Variants in CYP4X1 observed in about 807,000 individuals in gnomAD.
CYP4X1 encodes the protein cytochrome P450 4X1.
Under a neutral mutation model 57.9 loss-of-function variants are expected in CYP4X1, and 44 were observed. That is an observed-to-expected ratio of 0.76 (90% CI 0.60 to 0.98). The LOEUF (loss-of-function observed/expected upper bound fraction) is 0.98. Ranked by LOEUF, CYP4X1 falls within the 50% of genes least tolerant of loss-of-function variation. CYP4X1 has a pLI of 0.00. For missense variants in CYP4X1, 532 were observed against 623.9 expected (o/e 0.85, Z 1.57); for synonymous variants, 227 against 228.6 (o/e 0.99, Z 0.06).
intron 6 of CYP4X1, 42 bp from the exon 7 acceptor site, chr1:47,038,618 T>A: frequency 6.7e-7 from 1 of 1,496,138 alleles, no homozygotes; most frequent in Non-Finnish European, 9.1e-7. Flanking sequence ...TTTATTTGAC[T>A]TTGCCATCAC....
At chr1:47,014,073 C>T in the CYP4X1 span, among the ~76,000 whole-genome samples, 5 of 152,026 alleles carry the variant, frequency 3.3e-5, no homozygotes, top group African/African-American at 1.2e-4. Flanking sequence ...CCCCACCTGG[C>T]CCTCAATGTA....
At chr1:47,019,756 T>C (rs912704290), upstream of CYP4X1, among the ~76,000 whole-genome samples, 1 of 152,196 alleles carries the variant, frequency 6.6e-6, no homozygotes, top group African/African-American at 2.4e-5. Flanking sequence ...CATTTTTTAC[T>C]CTCTGATGTC....
Position 47,038,773 on chromosome 1 carries a change from C to T in CYP4X1, c.882+7C>T. On this transcript the variant is annotated splice_region_variant and intron_variant, in intron 7 of 11. Transcript: ENST00000371901. ...TATTGTCCTTTCTGCCAAGGTAAAT[C>T]TTCTAAATTTCTAAGCCTGCTCAAG... 1.2e-6 allele frequency: 2 copies of T among 1,605,972 alleles called. No individual in the cohort carries two copies. Among genetic ancestry groups the T allele is most frequent in the Non-Finnish European group, 1.7e-6 (2 of 1,176,292 alleles).
chr1:47,039,609 G>T, intron 8 of CYP4X1, 77 bp downstream of exon 8: 1 of 1,183,894 alleles, frequency 8.4e-7, no homozygotes, highest in Non-Finnish European at 1.2e-6. Flanking sequence ...TGGTACCTTA[G>T]TGACCCTAGT....
At chr1:47,049,633 A>G in intron 11 of CYP4X1, 129 bp downstream of exon 11, 1 of 839,652 alleles carries the variant, frequency 1.2e-6, no homozygotes, top group Non-Finnish European at 1.9e-6. Flanking sequence ...TTGAGCCCCA[A>G]AGGATCAGTT....
chr1:46,965,241 C>T, the CYP4X1 span, among the ~76,000 whole-genome samples: 5 of 152,316 alleles, frequency 3.3e-5, no homozygotes, highest in South Asian at 1.0e-3. Context: ...GCTGCACCCA[C>T]TGTGCTGCAC....
intron 9 of CYP4X1, among the ~76,000 whole-genome samples, chr1:47,048,117 T>G (rs543903940): frequency 5.3e-5 from 8 of 150,584 alleles, no homozygotes; most frequent in African/African-American, 1.9e-4. Context: ...GGCATGGTGT[T>G]GCATGCTTGT....
chr1:47,020,579 T>G (rs2148500947), upstream of CYP4X1, among the ~76,000 whole-genome samples: 1 of 152,314 alleles, frequency 6.6e-6, no homozygotes, highest in African/African-American at 2.4e-5. Context: ...TCCCAGCATG[T>G]GCCCAGCACA....
At chr1:47,024,061 G>A in intron 1 of CYP4X1, 67 bp downstream of exon 1, 2 of 1,521,160 alleles carry the variant, frequency 1.3e-6, no homozygotes, top group Admixed American at 4.0e-5. Flanking sequence ...GAGGAGCCCA[G>A]CCGGCAGAGA....
the CYP4X1 span, among the ~76,000 whole-genome samples, chr1:46,967,522 T>C: frequency 6.6e-6 from 1 of 150,582 alleles, no homozygotes; most frequent in Admixed American, 6.6e-5. Flanking sequence ...TAGGGAAAGG[T>C]GAGAGAAAGA....
chr1:47,024,572 T>G (rs1218197435), intron 1 of CYP4X1, among the ~76,000 whole-genome samples: 1 of 152,212 alleles, frequency 6.6e-6, no homozygotes, highest in Non-Finnish European at 1.5e-5. Context: ...ATTAAGGTTT[T>G]TATTCATTCA....
the CYP4X1 span, among the ~76,000 whole-genome samples, chr1:46,982,198 C>T: frequency 3.3e-5 from 5 of 152,118 alleles, no homozygotes; most frequent in African/African-American, 1.2e-4. Context: ...GCTCTATTAG[C>T]TCAGTTTGGT....
chr1:46,967,817 G>A, the CYP4X1 span: 1 of 1,338,472 alleles, frequency 7.5e-7, no homozygotes, highest in Non-Finnish European at 9.8e-7. Context: ...AGCAGGGTCA[G>A]GGCCATGGCC....
the CYP4X1 span, among the ~76,000 whole-genome samples, chr1:46,997,553 T>A: frequency 3.9e-5 from 6 of 152,370 alleles, no homozygotes; most frequent in East Asian, 9.6e-4. Flanking sequence ...GTGAAGAACA[T>A]GATTTCATTC....
chr1:47,042,450 T>G (rs188728133), intron 8 of CYP4X1, among the ~76,000 whole-genome samples: 90 of 152,240 alleles, frequency 5.9e-4, no homozygotes, highest in Non-Finnish European at 9.6e-4. Context: ...CACCAGTGTT[T>G]TTTTCTTAAT....
intron 11 of CYP4X1, 32 bp downstream of exon 11, chr1:47,049,536 C>A: frequency 1.3e-6 from 2 of 1,576,492 alleles, no homozygotes; most frequent in South Asian, 1.1e-5. Context: ...TGAAAGTACC[C>A]AAAGATGTTT....
chr1:47,028,357 C>T (rs1346919872), intron 1 of CYP4X1, among the ~76,000 whole-genome samples: 4 of 152,268 alleles, frequency 2.6e-5, no homozygotes, highest in Admixed American at 2.6e-4. Context: ...TTCCTCATCT[C>T]TAAAGTAGGG....
At chr1:46,967,725 G>A in the CYP4X1 span, 2 of 1,124,194 alleles carry the variant, frequency 1.8e-6, no homozygotes, top group Non-Finnish European at 2.4e-6. Flanking sequence ...TGAGATGCAG[G>A]TGGATTCCAC....
chr1:47,007,691 C>T, the CYP4X1 span, among the ~76,000 whole-genome samples: 2,796 of 152,182 alleles, frequency 0.018, 57 homozygotes, highest in East Asian at 0.047. Flanking sequence ...AAAAATTAGA[C>T]GAATGGCTAA....
Sources: allele counts gnomAD v4.1 joint callset (sites outside exome capture counted in the v4.1 genomes callset), GRCh38; gene constraint gnomAD v4.1.1; transcripts MANE v1.5; gene names NCBI Gene and HGNC (gene_info 2026-07-23, HGNC 2026-07-21).